Variants in ABCA12 observed in about 807,000 individuals in gnomAD.
The protein encoded by ABCA12 is glucosylceramide transporter ABCA12.
A neutral mutation model predicts 293.5 loss-of-function variants in ABCA12; 156 were observed. The ratio of observed to expected loss-of-function variants is 0.53; its 90% confidence interval spans 0.47 to 0.61. ABCA12 has a LOEUF of 0.61. ABCA12 is among the 20% of genes least tolerant of loss of function. The pLI is 0.00. For synonymous variants in ABCA12, 1,063 were observed against 1,108.0 expected, an observed-to-expected ratio of 0.96 and a Z score of 0.81; for missense variants, 2,797 against 3,090.2, an observed-to-expected ratio of 0.91 and a Z score of 2.25.
intron 34 of ABCA12, 45 bp downstream of exon 34, chr2:214,975,740 G>C (rs774556954): frequency 1.2e-6 from 2 of 1,612,812 alleles, no homozygotes; most frequent in Non-Finnish European, 1.7e-6. Flanking sequence ...CACACTCCTG[G>C]AAGCATTTTG....
intron 2 of ABCA12, among the ~76,000 whole-genome samples, chr2:215,074,373 C>T (rs1357140003): frequency 6.6e-6 from 1 of 152,136 alleles, no homozygotes; most frequent in East Asian, 1.9e-4. Flanking sequence ...GTGGGAGTCC[C>T]TCAGCAAAAC....
rs3050094 is a variant in ABCA12 at position 215,051,609 on chromosome 2, AGTGT to A, written c.507+874_507+877del. Reference sequence around the variant, plus strand: ...ATATAGATATATTATTAAAAACGCTAGTGTGTGTGTGTGTGTGTGTGTGTGTGTG... The same window carrying A: ...ATATAGATATATTATTAAAAACGCTAGTGTGTGTGTGTGTGTGTGTGTGTG... On this transcript the variant is annotated intron_variant, in intron 5 of 52. Transcript: ENST00000272895. Among the ~76,000 whole-genome samples the A allele has an allele frequency of 8.0e-3, 971 of 121,414 alleles. 10 individuals are homozygous for A. Among genetic ancestry groups the A allele is most frequent in the African/African-American group, 0.022 (779 of 36,152 alleles). 79.7% of individuals were successfully genotyped at this position (121,414 alleles called of 152,430 possible). A position where few individuals can be genotyped will look rare whatever the true frequency, so the allele number is the denominator to read the frequency against.
chr2:215,099,470 A>G, intron 2 of ABCA12, among the ~76,000 whole-genome samples: 1 of 152,192 alleles, frequency 6.6e-6, no homozygotes, highest in East Asian at 1.9e-4. Flanking sequence ...CAAGGCGGGC[A>G]GATCACAAGG....
At chr2:215,120,847 A>G (rs1250177753) in intron 1 of ABCA12, among the ~76,000 whole-genome samples, 4 of 152,212 alleles carry the variant, frequency 2.6e-5, no homozygotes, top group African/African-American at 9.6e-5. Context: ...CACTTCTTCC[A>G]CATGAGAATT....
At chr2:215,133,149 A>ATTTTTTTTT (rs55641331) in intron 1 of ABCA12, among the ~76,000 whole-genome samples, 3 of 34,882 alleles carry the variant, frequency 8.6e-5, no homozygotes, top group African/African-American at 1.3e-4. Flanking sequence ...GCTGGCTTTA[A>ATTTTTTTTT]TTTTTTTTTT....
At chr2:215,075,058 G>T (rs1191425321) in intron 2 of ABCA12, among the ~76,000 whole-genome samples, 1 of 152,208 alleles carries the variant, frequency 6.6e-6, no homozygotes, top group Non-Finnish European at 1.5e-5. Flanking sequence ...ACTTTAGTGA[G>T]TCAAATGTGA....
At chr2:214,988,850 A>T (rs1159530748) in intron 26 of ABCA12, among the ~76,000 whole-genome samples, 1 of 151,796 alleles carries the variant, frequency 6.6e-6, no homozygotes, top group Non-Finnish European at 1.5e-5. Flanking sequence ...CTTTTTGGAG[A>T]TTATATATGG....
chr2:214,970,486 A>C, intron 36 of ABCA12, 86 bp from the exon 37 acceptor site: 1 of 1,482,698 alleles, frequency 6.7e-7, no homozygotes, highest in South Asian at 1.1e-5. Context: ...CAGTCTCATG[A>C]TTTGTCTATT....
rs960651679 is a variant in ABCA12, at chr2:214,970,408, ATAAAGT to A, written c.5563-14_5563-9del. On this transcript the variant is annotated splice_polypyrimidine_tract_variant and intron_variant, in intron 36 of 52. Coordinates refer to ENST00000272895, the MANE Select transcript of ABCA12 (RefSeq NM_173076.3). ...GTTAAATTTAGGACATTCCTGGAAA[ATAAAGT>A]TAAAAATGAATTTTTTTCTGGCCAA... is the stretch of plus-strand genomic sequence containing the variant. 4 of 1,612,874 alleles carry A rather than the reference ATAAAGT, an allele frequency of 2.5e-6. No individual in the cohort carries two copies. The highest frequency in any genetic ancestry group is 1.3e-5 in the African/African-American group (1 of 74,862).
At chr2:215,090,959 C>A (rs1702130516) in intron 2 of ABCA12, among the ~76,000 whole-genome samples, 1 of 152,088 alleles carries the variant, frequency 6.6e-6, no homozygotes, top group African/African-American at 2.4e-5. Context: ...ACAAACTCGA[C>A]AATGGTTCTA....
chr2:215,093,663 C>T (rs1702194152), intron 2 of ABCA12, among the ~76,000 whole-genome samples: 1 of 152,204 alleles, frequency 6.6e-6, no homozygotes, highest in Non-Finnish European at 1.5e-5. Context: ...ACAAACTATG[C>T]TCAACTCACT....
chr2:215,044,790 T>G (rs993851470), intron 7 of ABCA12, among the ~76,000 whole-genome samples: 2 of 152,178 alleles, frequency 1.3e-5, no homozygotes, highest in African/African-American at 4.8e-5. Flanking sequence ...GAGAATCAAA[T>G]GAGATTGTTT....
Position 214,932,752 on chromosome 2 carries a change from AG to A in ABCA12, c.7681-12del, listed in dbSNP as rs1698099302. On this transcript the variant is annotated splice_polypyrimidine_tract_variant and intron_variant, in intron 52 of 52. Coordinates refer to ENST00000272895, the MANE Select transcript of ABCA12 (RefSeq NM_173076.3). ...AAAGTTGATGAAAACCTGATTTTTC[AG>A]GGAAAATAAAGCCATTAATGCCTGG... is the stretch of plus-strand genomic sequence containing the variant. 1 of 1,603,834 alleles carries A rather than the reference AG, an allele frequency of 6.2e-7. No homozygotes were observed. Among genetic ancestry groups the A allele is most frequent in the Non-Finnish European group, 8.5e-7 (1 of 1,170,936 alleles).
At chr2:215,127,755 T>C (rs540105667) in intron 1 of ABCA12, among the ~76,000 whole-genome samples, 2 of 152,220 alleles carry the variant, frequency 1.3e-5, no homozygotes, top group African/African-American at 4.8e-5. Context: ...TGGTTCTATA[T>C]CTTTTAAGTG....
chr2:215,038,178 ATGTG>A (rs1701028558), intron 7 of ABCA12, among the ~76,000 whole-genome samples: 1 of 152,150 alleles, frequency 6.6e-6, no homozygotes, highest in Non-Finnish European at 1.5e-5. Context: ...ACATGTGGAT[ATGTG>A]TGTATGTTTA....
rs779996897 is a variant in ABCA12, at chr2:214,980,476, T to C, written c.4740+7A>G. ...CCATAATGAGATATATTTTCTCCCA[T>C]TCCTACCTTCTTCTTGGTAAGCGTG... is the stretch of plus-strand genomic sequence containing the variant. On this transcript the variant is annotated splice_region_variant and intron_variant, in intron 31 of 52. Coordinates refer to ENST00000272895, the MANE Select transcript of ABCA12 (RefSeq NM_173076.3). The C allele has an allele frequency of 6.2e-7, 1 of 1,613,192 alleles. No individual in the cohort carries two copies. The highest frequency in any genetic ancestry group is 1.3e-5 in the African/African-American group (1 of 74,990).
rs1313269937 is a variant in ABCA12, at chr2:214,949,169, G to T, written c.6853-20C>A. The T allele has an allele frequency of 6.4e-7, 1 of 1,564,848 alleles. No individual in the cohort carries two copies. Among genetic ancestry groups the T allele is most frequent in the Admixed American group, 1.7e-5 (1 of 59,912 alleles). On this transcript the variant is annotated intron_variant, in intron 45 of 52. Coordinates refer to ENST00000272895, the MANE Select transcript of ABCA12 (RefSeq NM_173076.3). ...AAAACACTGGTTTGAGGGAGAAAAAGAAGATATAAGCCTTAATCCAAACCA... is the reference window on the plus strand; with the variant it reads ...AAAACACTGGTTTGAGGGAGAAAAATAAGATATAAGCCTTAATCCAAACCA...
At chr2:215,065,467 A>C (rs754304303) in intron 2 of ABCA12, among the ~76,000 whole-genome samples, 1 of 152,040 alleles carries the variant, frequency 6.6e-6, no homozygotes, top group African/African-American at 2.4e-5. Flanking sequence ...ATTTGATTCC[A>C]GTAACTTAAA....
At chr2:215,103,267 C>CTTTT (rs72000528) in intron 2 of ABCA12, among the ~76,000 whole-genome samples, 197 of 122,314 alleles carry the variant, frequency 1.6e-3, no homozygotes, top group South Asian at 3.5e-3. Context: ...AAATTTCTTT[C>CTTTT]TTTTTTTTTT....
Sources: gnomAD v4.1 joint callset for allele counts (sites outside exome capture counted in the v4.1 genomes callset) on GRCh38, gnomAD v4.1.1 for gene constraint, MANE v1.5 for transcripts, NCBI Gene and HGNC (gene_info 2026-07-23, HGNC 2026-07-21) for gene names.